The following TMEM229B variants were observed in gnomAD, a reference collection of about 807,000 sequenced individuals.
TMEM229B encodes the protein transmembrane protein 229B, also known as chromosome 14 open reading frame 83.
A neutral mutation model predicts 13.7 loss-of-function variants in TMEM229B; 6 were observed. That is an observed-to-expected ratio of 0.44 (90% CI 0.24 to 0.86). The LOEUF (loss-of-function observed/expected upper bound fraction) is 0.86. Ranked by LOEUF, TMEM229B falls within the 40% of genes least tolerant of loss-of-function variation. The pLI, the probability that TMEM229B is intolerant of heterozygous loss-of-function variation, is 0.23. For synonymous variants in TMEM229B, 107 were observed against 102.1 expected (o/e 1.05, Z -0.29); for missense variants, 170 against 236.0 (o/e 0.72, Z 1.83).
chr14:67,520,689 C>T (rs764666632), intron 1 of TMEM229B, among the ~76,000 whole-genome samples: 2 of 147,958 alleles, frequency 1.4e-5, no homozygotes, highest in East Asian at 2.0e-4. Context: ...CTCCTTTGGG[C>T]GTACCACAGT....
intron 1 of TMEM229B, among the ~76,000 whole-genome samples, chr14:67,529,551 A>G (rs1266449765): frequency 6.6e-6 from 1 of 152,148 alleles, no homozygotes; most frequent in Admixed American, 6.5e-5. Context: ...TCTCACATGC[A>G]CACATATACA....
At chr14:67,476,198 G>C (rs1342018719) in intron 2 of TMEM229B, among the ~76,000 whole-genome samples, 1 of 152,256 alleles carries the variant, frequency 6.6e-6, no homozygotes, top group Non-Finnish European at 1.5e-5. Context: ...CATTTCAGCT[G>C]AAGCAGGCCT....
intron 1 of TMEM229B, among the ~76,000 whole-genome samples, chr14:67,528,663 G>A (rs2033402702): frequency 6.6e-6 from 1 of 152,062 alleles, no homozygotes; most frequent in Non-Finnish European, 1.5e-5. Context: ...TCCCTCTCCT[G>A]TCCCTATCCC....
At chr14:67,495,446 T>C (rs533094497) in intron 1 of TMEM229B, among the ~76,000 whole-genome samples, 2 of 152,282 alleles carry the variant, frequency 1.3e-5, no homozygotes, top group East Asian at 3.9e-4. Flanking sequence ...CAGCCCATAA[T>C]AATGAGTCAG....
intron 1 of TMEM229B, among the ~76,000 whole-genome samples, chr14:67,499,281 A>C (rs1464612364): frequency 6.6e-6 from 1 of 152,160 alleles, no homozygotes; most frequent in Non-Finnish European, 1.5e-5. Context: ...TGGGATTATA[A>C]GTATGGGCCA....
chr14:67,486,513 T>G (rs1231529826), intron 2 of TMEM229B, among the ~76,000 whole-genome samples: 1 of 152,158 alleles, frequency 6.6e-6, no homozygotes, highest in Non-Finnish European at 1.5e-5. Context: ...GACCTTGCGA[T>G]CCACCCACCT....
chr14:67,518,976 G>A (rs776772185), upstream of TMEM229B, among the ~76,000 whole-genome samples: 7 of 152,214 alleles, frequency 4.6e-5, no homozygotes, highest in Non-Finnish European at 7.3e-5. Context: ...AGCAGAAGAA[G>A]CATTGAAGTT....
intron 1 of TMEM229B, among the ~76,000 whole-genome samples, chr14:67,527,931 G>A (rs1180021236): frequency 1.3e-5 from 2 of 152,182 alleles, no homozygotes; most frequent in African/African-American, 2.4e-5. Context: ...AGGTCAAGGA[G>A]CATGAAGAGG....
chr14:67,515,509 G>C (rs993772468), upstream of TMEM229B: 3 of 155,926 alleles, frequency 1.9e-5, no homozygotes, highest in African/African-American at 7.2e-5. Flanking sequence ...CCTGCCGCCC[G>C]GCTTAACTCC....
intron 1 of TMEM229B, among the ~76,000 whole-genome samples, chr14:67,532,669 A>T (rs533388043): frequency 1.3e-5 from 2 of 152,330 alleles, no homozygotes; most frequent in African/African-American, 4.8e-5. Context: ...CCTGGGCAAC[A>T]TAGCGAGACC....
chr14:67,523,523 G>A (rs1566708787), intron 1 of TMEM229B, among the ~76,000 whole-genome samples: 1 of 152,152 alleles, frequency 6.6e-6, no homozygotes. Context: ...AATGCAAGAT[G>A]GTCTATAACA....
upstream of TMEM229B, among the ~76,000 whole-genome samples, chr14:67,489,039 A>C (rs1166514596): frequency 1.3e-5 from 2 of 152,136 alleles, no homozygotes; most frequent in East Asian, 3.9e-4. Flanking sequence ...AGGGGACATG[A>C]GGCTCCTTTG....
chr14:67,524,396 G>A (rs1371000505), intron 1 of TMEM229B, among the ~76,000 whole-genome samples: 1 of 152,172 alleles, frequency 6.6e-6, no homozygotes, highest in South Asian at 2.1e-4. Flanking sequence ...CAAAGGTCAG[G>A]TCATGAGGTC....
At chr14:67,519,722 T>A (rs1319578345), upstream of TMEM229B, among the ~76,000 whole-genome samples, 1 of 151,644 alleles carries the variant, frequency 6.6e-6, no homozygotes, top group Non-Finnish European at 1.5e-5. Flanking sequence ...TTGTTTTTTT[T>A]TTTTTTTACT....
At chr14:67,485,353 A>C (rs1450812163) in intron 2 of TMEM229B, among the ~76,000 whole-genome samples, 5 of 152,212 alleles carry the variant, frequency 3.3e-5, no homozygotes, top group Non-Finnish European at 7.4e-5. Flanking sequence ...GAAACTCTCC[A>C]GTCAAACTGA....
At chr14:67,521,359 C>G (rs547217194) in intron 1 of TMEM229B, among the ~76,000 whole-genome samples, 2 of 152,234 alleles carry the variant, frequency 1.3e-5, no homozygotes, top group South Asian at 4.1e-4. Flanking sequence ...TAAAATGTCA[C>G]AGAGGGATGG....
chr14:67,474,252 C>CA (rs1317911307), intron 2 of TMEM229B, among the ~76,000 whole-genome samples: 1 of 109,790 alleles, frequency 9.1e-6, no homozygotes, highest in African/African-American at 4.5e-5. Context: ...ACTCTGTCTC[C>CA]AAAAAAACAA....
At chr14:67,497,571 A>G (rs1399060015) in intron 1 of TMEM229B, among the ~76,000 whole-genome samples, 2 of 152,200 alleles carry the variant, frequency 1.3e-5, no homozygotes, top group Admixed American at 1.3e-4. Flanking sequence ...GACATCACAG[A>G]GGTAAAATGT....
In TMEM229B at chr14:67,473,988, C is replaced by G. The variant is rs2030990618; in HGVS notation, c.-18-47G>C. Reference sequence around the variant, plus strand: ...CAGGTGAGGGCCGGGCGCGGTGGCTCACGCCTATAATCCCTGCGCTTTGGG... The same window carrying G: ...CAGGTGAGGGCCGGGCGCGGTGGCTGACGCCTATAATCCCTGCGCTTTGGG... On this transcript the variant is annotated intron_variant, in intron 2 of 2. Transcript: ENST00000554480. The surrounding 1 kb of genome is among the most constrained non-coding windows in gnomAD (Gnocchi z 6.5). 6.6e-7 allele frequency: 1 copy of G among 1,508,832 alleles called. No individual in the cohort carries two copies. The highest frequency in any genetic ancestry group is 8.9e-7 in the Non-Finnish European group (1 of 1,129,622). The allele number at this position is 1,508,832 out of a possible 1,614,324, so 93.5% of individuals were successfully genotyped here.
Sources: gnomAD v4.1 joint callset for allele counts (sites outside exome capture counted in the v4.1 genomes callset) on GRCh38, gnomAD v4.1.1 for gene constraint, Gnocchi (gnomAD v3.1) non-coding constraint, MANE v1.5 for transcripts, NCBI Gene and HGNC (gene_info 2026-07-23, HGNC 2026-07-21) for gene names.